The following SLX4 variants were observed in gnomAD, a reference collection of about 807,000 sequenced individuals.
SLX4 encodes structure-specific endonuclease subunit SLX4.
Under a neutral mutation model 146.2 loss-of-function variants are expected in SLX4, and 112 were observed. The observed-to-expected ratio is 0.77, with a 90% CI of 0.66 to 0.90. The LOEUF (loss-of-function observed/expected upper bound fraction) is 0.90. Ranked by LOEUF, SLX4 falls within the 40% of genes least tolerant of loss-of-function variation. The pLI, the probability that SLX4 is intolerant of heterozygous loss-of-function variation, is 0.00. For synonymous variants in SLX4, 1,061 were observed against 997.7 expected, an observed-to-expected ratio of 1.06 and a Z score of -1.20; for missense variants, 2,563 against 2,392.7, an observed-to-expected ratio of 1.07 and a Z score of -1.49.
In SLX4 at chr16:3,606,567, G is replaced by A. The variant is rs1306426498; in HGVS notation, c.667C>T (p.Arg223Cys). The change falls in exon 3 of 15, where the codon CGT becomes TGT. Residue 223 changes from arginine to cysteine, a missense_variant. Coordinates refer to ENST00000294008, the MANE Select transcript of SLX4 (RefSeq NM_032444.4). ...MQQFKRADPE[R>C]LRHASEECSL... ...CACTCTTCTGAAGCGTGTCTCAAAC[G>A]CTCGGGGTCTGCTCTCTTGAACTGC... is the stretch of plus-strand genomic sequence containing the variant. The A allele has an allele frequency of 3.1e-6, 5 of 1,614,034 alleles. No individual in the cohort carries two copies. Among genetic ancestry groups the A allele is most frequent in the South Asian group, 1.1e-5 (1 of 91,090 alleles).
chr16:3,605,987 C>T (rs1270320677), intron 3 of SLX4, among the ~76,000 whole-genome samples: 4 of 140,288 alleles, frequency 2.9e-5, no homozygotes, highest in African/African-American at 1.1e-4. Context: ...GGGCCAGGTG[C>T]AATGGTTCAC....
rs770758859 is a variant in SLX4 at position 3,584,763 on chromosome 16, G to A, written c.4739+6C>T. 13 of 1,608,308 alleles carry A rather than the reference G, an allele frequency of 8.1e-6. No homozygotes were observed. Among genetic ancestry groups the A allele is most frequent in the Admixed American group, 3.3e-5 (2 of 59,982 alleles). On this transcript the variant is annotated splice_donor_region_variant and intron_variant, in intron 13 of 14. Coordinates refer to ENST00000294008, the MANE Select transcript of SLX4 (RefSeq NM_032444.4). ...CTGTGGGCAACAAGCTTTGAAGACC[G>A]CCAACCTATCCAGTTCCTTCTTCAG...
chr16:3,610,939 G>A (rs1311094594), intron 1 of SLX4, among the ~76,000 whole-genome samples: 1 of 152,184 alleles, frequency 6.6e-6, no homozygotes, highest in Non-Finnish European at 1.5e-5. Flanking sequence ...TGTTGGATGC[G>A]GGGAGCGGCT....
At chr16:3,592,608 CAGCCCCG>C in intron 11 of SLX4, 84 bp downstream of exon 11, 1 of 1,449,170 alleles carries the variant, frequency 6.9e-7, no homozygotes, top group Non-Finnish European at 9.5e-7. Flanking sequence ...CTCTTGGCCT[CAGCCCCG>C]AGCCCTCTGC....
rs200755122 is a variant in SLX4 at position 3,596,204 on chromosome 16, C to T, written c.1873G>A (p.Ala625Thr). ...LVDLAREGLS[A>T]SPWPGSGGLA... ...CCCCCACTGCCGGGCCACGGGCTGGCGCTCAGTCCCTCCCTCGCCAGGTCC... is the reference window on the plus strand; with the variant it reads ...CCCCCACTGCCGGGCCACGGGCTGGTGCTCAGTCCCTCCCTCGCCAGGTCC... The change falls in exon 8 of 15, where the codon GCC (alanine) becomes ACC (threonine). Residue 625 changes from alanine to threonine, a missense_variant. Physicochemically the swap from Ala to Thr is moderately conservative, Grantham distance 58 (BLOSUM62 0). Transcript: ENST00000294008. 89 of 1,550,100 alleles carry T rather than the reference C, an allele frequency of 5.7e-5. No homozygotes were observed. Among genetic ancestry groups the T allele is most frequent in the South Asian group, 9.5e-5 (8 of 84,376 alleles).
chr16:3,602,852 C>G (rs563841679), intron 3 of SLX4, among the ~76,000 whole-genome samples: 3 of 152,324 alleles, frequency 2.0e-5, no homozygotes, highest in Middle Eastern at 6.8e-3. Flanking sequence ...TACTTAGCAT[C>G]AGACTCAAGA....
chr16:3,597,541 C>T lies in SLX4; in HGVS notation c.1521G>A (p.Arg507=), dbSNP rs778213300. ...LSSTPPLPAS[R]ILKEGWERAG... is the part of the protein sequence containing the mutation. ...CTCTTTCCCACCCTTCCTTTAAAAT[C>T]CTGCTGGCAGGAAGTGGTGGCGTGC... Residue 507 remains arginine (R), a synonymous_variant, in exon 7 of 15, where the codon AGG becomes AGA. Coordinates refer to ENST00000294008, the MANE Select transcript of SLX4 (RefSeq NM_032444.4). This position sits in a 1 kb window ranked among gnomAD's most constrained non-coding sequence, Gnocchi z 4.4. 49 of 1,614,056 alleles carry T rather than the reference C, an allele frequency of 3.0e-5. No homozygotes were observed. The highest frequency in any genetic ancestry group is 1.6e-4 in the Middle Eastern group (1 of 6,084).
At chr16:3,601,885 A>G in intron 4 of SLX4, 2 of 521,552 alleles carry the variant, frequency 3.8e-6, no homozygotes. Context: ...TTGTGGTGAC[A>G]GTTGCCCAAC....
Position 3,602,163 on chromosome 16 carries a change from T to C in SLX4, c.905A>G (p.Asn302Ser). 8.1e-6 allele frequency: 13 copies of C among 1,613,996 alleles called. No individual in the cohort carries two copies. The highest frequency in any genetic ancestry group is 1.1e-5 in the Non-Finnish European group (13 of 1,180,010). The change falls in exon 4 of 15, where the codon AAC becomes AGC. Residue 302 changes from asparagine (N) to serine (S), a missense_variant. Physicochemically the swap from Asn to Ser is conservative, Grantham distance 46 (BLOSUM62 1). Transcript: ENST00000294008. The part of the protein sequence containing the change: ...GLFFCQICQK[N>S]LSAMNVTRRE... Reference sequence around the variant, plus strand: ...TCGGGTCACGTTCATGGCTGAGAGGTTCTTTTGACAAATCTGGCAGAAGAA... The same window carrying C: ...TCGGGTCACGTTCATGGCTGAGAGGCTCTTTTGACAAATCTGGCAGAAGAA...
chr16:3,594,747 A>G, intron 9 of SLX4, 148 bp from the exon 10 acceptor site: 3 of 1,048,970 alleles, frequency 2.9e-6, no homozygotes, highest in Non-Finnish European at 2.8e-6. Context: ...GCTTCCCACG[A>G]TGGCCTCAAC....
chr16:3,595,206 A>G (rs2040637138), intron 9 of SLX4, among the ~76,000 whole-genome samples: 1 of 152,164 alleles, frequency 6.6e-6, no homozygotes, highest in Non-Finnish European at 1.5e-5. Flanking sequence ...ACCCGCACAG[A>G]GGGGAGGGAG....
In SLX4 at chr16:3,602,211, T is replaced by G. The variant is rs945143502; in HGVS notation, c.857A>C (p.Asp286Ala). Residue 286 changes from aspartate (D) to alanine (A), a missense_variant, in exon 4 of 15, where the codon GAT becomes GCT. By Grantham distance (126) the Asp-to-Ala change is moderately radical. Transcript: ENST00000294008. ...FARVGASAHDDSLEEKGLFFC... is the reference protein window; with the variant it reads ...FARVGASAHDASLEEKGLFFC... ...GAACAAACCCTTTTCCTCCAGGCTA[T>G]CATCATGTGCCGATGCTCCTACCCG... 6.2e-7 allele frequency: 1 copy of G among 1,614,180 alleles called. No individual in the cohort carries two copies. The highest frequency in any genetic ancestry group is 8.5e-7 in the Non-Finnish European group (1 of 1,180,024).
intron 5 of SLX4, 39 bp from the exon 6 acceptor site, chr16:3,598,038 G>A (rs1011537099): frequency 1.9e-6 from 3 of 1,612,034 alleles, no homozygotes; most frequent in African/African-American, 2.7e-5. Context: ...TGGGGCTAGA[G>A]GAGTGCACGC....
chr16:3,594,564 G>A lies in SLX4; in HGVS notation c.2049C>T (p.Ala683=). 6.2e-7 allele frequency: 1 copy of A among 1,614,130 alleles called. No homozygotes were observed. ...SLGLLVADFG[A]MVNNPHLSDV... ...CACTCAGGTGTGGGTTATTGACCAT[G>A]GCGCCAAAGTCAGCAACCAGCAGCC... Residue 683 remains alanine, a synonymous_variant, in exon 10 of 15, where the codon GCC becomes GCT. Transcript: ENST00000294008.
At chr16:3,595,749 CAAG>C (rs2040645220) in intron 8 of SLX4, 56 bp from the exon 9 acceptor site, 2 of 1,592,692 alleles carry the variant, frequency 1.3e-6, no homozygotes, top group Non-Finnish European at 1.7e-6. Flanking sequence ...CATCCACCAC[CAAG>C]AAGACAGCGT....
Position 3,594,513 on chromosome 16 carries a change from C to T in SLX4, c.2100G>A (p.Gly700=), listed in dbSNP as rs755000337. 1.0e-4 allele frequency: 163 copies of T among 1,614,034 alleles called. No individual in the cohort carries two copies. Among genetic ancestry groups the T allele is most frequent in the Non-Finnish European group, 1.4e-4 (160 of 1,180,038 alleles). The change falls in exon 10 of 15, where the codon GGG becomes GGA. Residue 700 remains glycine (G), a synonymous_variant. Transcript: ENST00000294008. Reference sequence around the variant, plus strand: ...CGAACTTGTGGGCGTAAAGCACCTCCCCGCTGTCCGTCTGAAACTGGACAT... The same window carrying T: ...CGAACTTGTGGGCGTAAAGCACCTCTCCGCTGTCCGTCTGAAACTGGACAT... ...LSDVQFQTDS[G]EVLYAHKFVL...
rs1011629316 is a variant in SLX4, at chr16:3,611,584, T to C, written c.-627A>G. 2 of 152,210 alleles carry C rather than the reference T, an allele frequency of 1.3e-5. No homozygotes were observed. Among genetic ancestry groups the C allele is most frequent in the Non-Finnish European group, 2.9e-5 (2 of 68,074 alleles). 9.4% of individuals were successfully genotyped at this position (152,210 alleles called of 1,614,324 possible). A position where few individuals can be genotyped will look rare whatever the true frequency, so the allele number is the denominator to read the frequency against. On this transcript the variant is annotated 5_prime_UTR_variant, in exon 1 of 15. Coordinates refer to ENST00000294008, the MANE Select transcript of SLX4 (RefSeq NM_032444.4). ...CCTCCGGCGCCGCCGCGGCACCTTC[T>C]TAACGGAGACTCGCGCGCCTGCGCA...
chr16:3,597,583 C>T lies in SLX4; in HGVS notation c.1479G>A (p.Glu493=). The T allele has an allele frequency of 1.2e-6, 2 of 1,614,130 alleles. No homozygotes were observed. Among genetic ancestry groups the T allele is most frequent in the East Asian group, 4.5e-5 (2 of 44,868 alleles). The change falls in exon 7 of 15, where the codon GAG becomes GAA. Residue 493 remains glutamate, a synonymous_variant. Coordinates refer to ENST00000294008, the MANE Select transcript of SLX4 (RefSeq NM_032444.4). This position sits in a 1 kb window ranked among gnomAD's most constrained non-coding sequence, Gnocchi z 4.4. ...IEDRVALLLS[E]EVELSSTPPL... ...GTGGCGTGCTAGACAATTCCACTTC[C>T]TCAGAGAGGAGCAGGGCCACACGGT... is the stretch of plus-strand genomic sequence containing the variant.
intron 2 of SLX4, among the ~76,000 whole-genome samples, chr16:3,607,648 G>A (rs1042005732): frequency 1.3e-5 from 2 of 152,170 alleles, no homozygotes; most frequent in Admixed American, 1.3e-4. Flanking sequence ...TAGCACCACT[G>A]CACTCCAGCC....
Sources: gnomAD v4.1 joint callset for allele counts (sites outside exome capture counted in the v4.1 genomes callset) on GRCh38, gnomAD v4.1.1 for gene constraint, Gnocchi (gnomAD v3.1) non-coding constraint, MANE v1.5 for transcripts, NCBI Gene and HGNC (gene_info 2026-07-23, HGNC 2026-07-21) for gene names.